ZDHHC6: variants seen among roughly 807,000 people sequenced by gnomAD.
ZDHHC6 encodes palmitoyltransferase ZDHHC6.
Under a neutral mutation model 57.8 loss-of-function variants are expected in ZDHHC6, and 32 were observed. The observed-to-expected ratio is 0.55, with a 90% CI of 0.42 to 0.74. The LOEUF (loss-of-function observed/expected upper bound fraction) is 0.74, where lower values mean the gene tolerates loss of function less well. ZDHHC6 is among the 30% of genes least tolerant of loss of function. The pLI, the probability that ZDHHC6 is intolerant of heterozygous loss-of-function variation, is 0.00. For missense variants in ZDHHC6, 433 were observed against 500.7 expected, an observed-to-expected ratio of 0.86 and a Z score of 1.29; for synonymous variants, 128 against 158.0, an observed-to-expected ratio of 0.81 and a Z score of 1.42.
downstream of ZDHHC6, chr10:112,426,728 T>C: frequency 6.7e-7 from 1 of 1,500,466 alleles, no homozygotes. Flanking sequence ...AGTTGGTTCA[T>C]GCTTAGCCCT....
chr10:112,431,133 G>T (rs1381052780), intron 10 of ZDHHC6, among the ~76,000 whole-genome samples: 1 of 152,158 alleles, frequency 6.6e-6, no homozygotes, highest in East Asian at 1.9e-4. Context: ...CCCGAATAGG[G>T]ACTAATGTGG....
At chr10:112,433,550 G>C (rs185965398) in intron 7 of ZDHHC6, 30 of 292,324 alleles carry the variant, frequency 1.0e-4, no homozygotes, top group African/African-American at 6.0e-4. Flanking sequence ...CTGTGGCCCA[G>C]GGATCAGGGA....
At chr10:112,429,973 G>C (rs867386830), downstream of ZDHHC6, among the ~76,000 whole-genome samples, 3 of 151,514 alleles carry the variant, frequency 2.0e-5, no homozygotes, top group Non-Finnish European at 4.4e-5. Flanking sequence ...TGTTGGGGGG[G>C]GGGTGTGGGG....
At chr10:112,430,953 A>G (rs1844965481) in intron 10 of ZDHHC6, 46 bp from the exon 11 acceptor site, 2 of 1,508,004 alleles carry the variant, frequency 1.3e-6, no homozygotes, top group African/African-American at 1.4e-5. Flanking sequence ...GATGGATGAC[A>G]GTGACATTAC....
intron 8 of ZDHHC6, 92 bp downstream of exon 8, chr10:112,433,148 A>G: frequency 9.8e-7 from 1 of 1,022,652 alleles, no homozygotes; most frequent in Non-Finnish European, 1.4e-6. Context: ...AAGGCCAACA[A>G]TTGGTTTCTA....
chr10:112,428,493 C>T (rs1333226309), downstream of ZDHHC6: 1 of 398,300 alleles, frequency 2.5e-6, no homozygotes, highest in African/African-American at 2.1e-5. Context: ...ATAGAATTAT[C>T]TAGGAAGTTT....
At chr10:112,437,057 ACAGT>A (rs1845611152) in intron 6 of ZDHHC6, among the ~76,000 whole-genome samples, 1 of 152,146 alleles carries the variant, frequency 6.6e-6, no homozygotes, top group African/African-American at 2.4e-5. Context: ...TCAAAAACGA[ACAGT>A]CAGGCAGTCA....
chr10:112,445,633 C>T lies in ZDHHC6; in HGVS notation c.-197G>A. 1 of 629,336 alleles carries T rather than the reference C, an allele frequency of 1.6e-6. No individual in the cohort carries two copies. 39.0% of individuals were successfully genotyped at this position (629,336 alleles called of 1,614,324 possible). A position where few individuals can be genotyped will look rare whatever the true frequency, so the allele number is the denominator to read the frequency against. ...TATCTTAACTAGGAGAATCCAGTGT[C>T]TTGGTCTGAAACCCAACCTAAAGAA... On this transcript the variant is annotated 5_prime_UTR_variant, in exon 2 of 11. Coordinates refer to ENST00000369405, the MANE Select transcript of ZDHHC6 (RefSeq NM_022494.3).
At chr10:112,447,272 G>A, upstream of ZDHHC6, 1 of 1,298,402 alleles carries the variant, frequency 7.7e-7, no homozygotes, top group Non-Finnish European at 1.1e-6. Context: ...TCTGCTCTCG[G>A]GGGCACCTTC....
chr10:112,435,522 T>C (rs907390437), intron 6 of ZDHHC6, among the ~76,000 whole-genome samples: 4 of 152,214 alleles, frequency 2.6e-5, no homozygotes, highest in African/African-American at 9.6e-5. Context: ...AATATATTTA[T>C]TATGCTTATT....
At chr10:112,435,634 T>A (rs572380615) in intron 6 of ZDHHC6, among the ~76,000 whole-genome samples, 185 of 152,348 alleles carry the variant, frequency 1.2e-3, no homozygotes, top group African/African-American at 4.1e-3. Context: ...TTTACTAAAA[T>A]AATTATTAAG....
Position 112,445,210 on chromosome 10 carries a change from A to T in ZDHHC6, c.227T>A (p.Met76Lys), listed in dbSNP as rs1019991754. The change falls in exon 2 of 11, where the codon ATG becomes AAG. Residue 76 changes from methionine (M) to lysine (K), a missense_variant. Transcript: ENST00000369405. ...VMILYNYFNA[M>K]FVGPGFVPLG... is the part of the protein sequence containing the mutation. ...AGGGACAAAGCCCGGACCGACAAAC[A>T]TGGCATTGAAGTAATTATAAAGAAT... 1 of 1,614,126 alleles carries T rather than the reference A, an allele frequency of 6.2e-7. No homozygotes were observed. The highest frequency in any genetic ancestry group is 8.5e-7 in the Non-Finnish European group (1 of 1,179,954).
intron 3 of ZDHHC6, 125 bp downstream of exon 3, chr10:112,443,390 A>C: frequency 1.4e-6 from 1 of 704,470 alleles, no homozygotes; most frequent in Non-Finnish European, 2.3e-6. Context: ...AAGTATTCTG[A>C]CAATATTGTT....
At chr10:112,435,590 G>C (rs930276357) in intron 6 of ZDHHC6, among the ~76,000 whole-genome samples, 1 of 152,132 alleles carries the variant, frequency 6.6e-6, no homozygotes, top group Admixed American at 6.5e-5. Context: ...GGAAAATGTT[G>C]CAATTATTTG....
At chr10:112,431,602 C>T (rs1372339523) in intron 10 of ZDHHC6, among the ~76,000 whole-genome samples, 1 of 152,118 alleles carries the variant, frequency 6.6e-6, no homozygotes, top group Admixed American at 6.5e-5. Flanking sequence ...GCATGAGTCA[C>T]CACACCTGGC....
intron 8 of ZDHHC6, among the ~76,000 whole-genome samples, 193 bp from the exon 9 acceptor site, chr10:112,432,714 C>T (rs1227076765): frequency 2.0e-5 from 3 of 152,116 alleles, no homozygotes; most frequent in African/African-American, 7.2e-5. Flanking sequence ...GTTCTCAAGG[C>T]TTTTCTTACT....
At chr10:112,428,770 CA>C (rs11311716), downstream of ZDHHC6, among the ~76,000 whole-genome samples, 130,940 of 144,100 alleles carry the variant, frequency 0.91, 59,441 homozygotes, top group East Asian at 0.98. Flanking sequence ...GACTCTGTCT[CA>C]AAAAAAAAAA....
At chr10:112,429,713 A>T (rs2133719729), downstream of ZDHHC6, among the ~76,000 whole-genome samples, 1 of 152,376 alleles carries the variant, frequency 6.6e-6, no homozygotes, top group East Asian at 1.9e-4. Flanking sequence ...ACTCAAGGGT[A>T]CATGAGTAGT....
At chr10:112,443,418 G>T in intron 3 of ZDHHC6, 97 bp downstream of exon 3, 2 of 987,472 alleles carry the variant, frequency 2.0e-6, no homozygotes, top group Non-Finnish European at 3.1e-6. Context: ...TGGTAACCTT[G>T]CAGTGAATAG....
Sources: allele counts gnomAD v4.1 joint callset (sites outside exome capture counted in the v4.1 genomes callset), GRCh38; gene constraint gnomAD v4.1.1; transcripts MANE v1.5; gene names NCBI Gene and HGNC (gene_info 2026-07-23, HGNC 2026-07-21).